DST: variants seen among roughly 807,000 people sequenced by gnomAD.
DST encodes the protein bullous pemphigoid antigen.
DST carries 253 observed loss-of-function variants against 875.2 expected under a neutral mutation model. That is an observed-to-expected ratio of 0.29 (90% CI 0.26 to 0.32). The LOEUF is 0.32. DST is among the 10% of genes least tolerant of loss of function. DST has a pLI of 1.00. For synonymous variants in DST, 3,124 were observed against 3,197.1 expected, an observed-to-expected ratio of 0.98 and a Z score of 0.77; for missense variants, 8,287 against 9,111.6, an observed-to-expected ratio of 0.91 and a Z score of 3.68.
At position 56,648,599 on chromosome 6, in the gene DST, T is replaced by A. The variant is rs781336931; in HGVS notation, c.1525A>T (p.Thr509Ser). ...RHHVTTMSERTFPNNPVELKA... is the reference protein window; with the variant it reads ...RHHVTTMSERSFPNNPVELKA... ...AGTTCTACAGGATTATTAGGAAATGTTCTCTCAGACATTGTGGTCACATGG... is the reference window on the plus strand; with the variant it reads ...AGTTCTACAGGATTATTAGGAAATGATCTCTCAGACATTGTGGTCACATGG... The change falls in exon 13 of 104, where the codon ACA becomes TCA. Residue 509 changes from threonine (T) to serine (S), a missense_variant. Physicochemically the swap from Thr to Ser is moderately conservative, Grantham distance 58 (BLOSUM62 1). This residue lies in a region of DST where 1,160 missense variants were observed against 1,424.3 expected (regional missense o/e 0.81). Transcript: ENST00000680361. The A allele has an allele frequency of 6.3e-7, 1 of 1,588,030 alleles. No homozygotes were observed. Among genetic ancestry groups the A allele is most frequent in the Admixed American group, 1.8e-5 (1 of 56,646 alleles).
intron 4 of DST, among the ~76,000 whole-genome samples, chr6:56,736,868 A>AT (rs1022158473): frequency 2.0e-5 from 3 of 152,208 alleles, no homozygotes; most frequent in African/African-American, 7.2e-5. Context: ...CAGTTAATCA[A>AT]TTTTTTAAAA....
At chr6:56,624,107 A>T (rs1335416990) in intron 36 of DST, among the ~76,000 whole-genome samples, 1 of 152,146 alleles carries the variant, frequency 6.6e-6, no homozygotes, top group Non-Finnish European at 1.5e-5. Flanking sequence ...TGAGATACAA[A>T]TTAATTTAAA....
chr6:56,638,844 C>A, intron 22 of DST: 1 of 228,716 alleles, frequency 4.4e-6, no homozygotes, highest in Non-Finnish European at 8.7e-6. Flanking sequence ...CTATACTAAG[C>A]AGTAAGAGTA....
At chr6:56,614,243 A>G (rs2098588850) in intron 37 of DST, 113 bp downstream of exon 37, 7 of 1,000,698 alleles carry the variant, frequency 7.0e-6, no homozygotes, top group East Asian at 5.3e-5. Context: ...ATATTGGGCT[A>G]TAACAATGGG....
chr6:56,790,923 A>G (rs1421380705), intron 4 of DST, among the ~76,000 whole-genome samples: 1 of 152,226 alleles, frequency 6.6e-6, no homozygotes, highest in African/African-American at 2.4e-5. Context: ...CAAGCTGTCC[A>G]ACAGAAATGC....
rs755343612 is a variant in DST at position 56,602,883 on chromosome 6, T to C, written c.11306A>G (p.Lys3769Arg). ...EYVKKRLEFLKNVLKDLGHTK... is the reference protein window; with the variant it reads ...EYVKKRLEFLRNVLKDLGHTK... Reference sequence around the variant, plus strand: ...TGTCATCTTTGTTTTGATACTTGCCTTGAGAAACTCCAAACGTTTCTTTAC... The same window carrying C: ...TGTCATCTTTGTTTTGATACTTGCCCTGAGAAACTCCAAACGTTTCTTTAC... Residue 3769 changes from lysine (K) to arginine (R), a missense_variant and splice_region_variant, in exon 43 of 104, where the codon AAG becomes AGG. Physicochemically the swap from Lys to Arg is conservative, Grantham distance 26 (BLOSUM62 2). Around this residue, in one of 10 missense-constraint regions of DST, gnomAD observed 3,138 missense variants for 3,116.6 expected, o/e 1.01. Coordinates refer to ENST00000680361, the MANE Select transcript of DST (RefSeq NM_001374736.1). 4 of 1,521,580 alleles carry C rather than the reference T, an allele frequency of 2.6e-6. No homozygotes were observed. In the South Asian group the frequency reaches 5.3e-5, roughly 20 times the overall value. 94.3% of individuals were successfully genotyped at this position (1,521,580 alleles called of 1,614,324 possible).
intron 2 of DST, among the ~76,000 whole-genome samples, chr6:56,920,726 C>T (rs1034462408): frequency 2.1e-5 from 3 of 140,894 alleles, no homozygotes; most frequent in Non-Finnish European, 4.6e-5. Context: ...TTTCTTTCTT[C>T]CTTTTTTTTT....
intron 9 of DST, chr6:56,692,733 T>A: frequency 7.8e-7 from 1 of 1,289,680 alleles, no homozygotes. Context: ...TTTCATCCAG[T>A]TCACTAACTT....
chr6:56,866,215 C>T (rs1026181633), intron 3 of DST, among the ~76,000 whole-genome samples: 1 of 152,120 alleles, frequency 6.6e-6, no homozygotes, highest in Admixed American at 6.5e-5. Flanking sequence ...CCAGGCTAGT[C>T]TCGAACACCT....
chr6:56,675,777 A>G (rs918720850), intron 9 of DST, among the ~76,000 whole-genome samples: 4 of 152,054 alleles, frequency 2.6e-5, no homozygotes, highest in African/African-American at 9.7e-5. Flanking sequence ...ACTTGAACCC[A>G]GGAGGCGGAG....
chr6:56,589,194 A>G (rs1301848935), intron 49 of DST, among the ~76,000 whole-genome samples: 1 of 152,214 alleles, frequency 6.6e-6, no homozygotes, highest in Admixed American at 6.5e-5. Context: ...AGAATATCCA[A>G]TACCAAAGAT....
intron 4 of DST, among the ~76,000 whole-genome samples, chr6:56,771,748 C>T (rs1275795570): frequency 6.6e-6 from 1 of 152,210 alleles, no homozygotes; most frequent in Non-Finnish European, 1.5e-5. Flanking sequence ...CAGTTTTTGG[C>T]TCATAGCTCT....
intron 4 of DST, among the ~76,000 whole-genome samples, chr6:56,841,608 A>G (rs926040376): frequency 1.3e-5 from 2 of 152,240 alleles, no homozygotes; most frequent in Non-Finnish European, 2.9e-5. Flanking sequence ...ACTTCATGTG[A>G]CAAAAATTCA....
chr6:56,679,826 T>G (rs2099148752), intron 9 of DST, among the ~76,000 whole-genome samples: 2 of 152,072 alleles, frequency 1.3e-5, no homozygotes, highest in Admixed American at 6.6e-5. Flanking sequence ...ACATCTACTT[T>G]TATGTTTTTA....
At chr6:56,492,586 T>C (rs1027677810) in intron 84 of DST, among the ~76,000 whole-genome samples, 153 bp from the exon 85 acceptor site, 2 of 152,214 alleles carry the variant, frequency 1.3e-5, no homozygotes, top group Non-Finnish European at 2.9e-5. Flanking sequence ...AAAGGCCTGC[T>C]GTCAGCCGGG....
At chr6:56,939,916 C>T (rs919227724) in intron 2 of DST, among the ~76,000 whole-genome samples, 1 of 151,846 alleles carries the variant, frequency 6.6e-6, no homozygotes, top group East Asian at 1.9e-4. Flanking sequence ...ATCCCACCTA[C>T]TCAGGAGGCT....
Position 56,607,336 on chromosome 6 carries a change from T to C in DST, c.7292A>G (p.Tyr2431Cys), listed in dbSNP as rs746961469. 20 of 1,613,234 alleles carry C rather than the reference T, an allele frequency of 1.2e-5. No individual in the cohort carries two copies. The East Asian group carries it at 3.6e-4, about 29-fold the overall frequency. The change falls in exon 40 of 104, where the codon TAT becomes TGT. Residue 2431 changes from tyrosine to cysteine, a missense_variant. By Grantham distance (194) the Tyr-to-Cys change is radical (BLOSUM62 -2). Transcript: ENST00000680361. ...TAACAAGGCACTTAGCCTGGGGGAA[T>C]AGTCAAAGATAGGTGAATCCCTGTT... ...NTNRDSPIFD[Y>C]SPRLSALLSH...
intron 10 of DST, among the ~76,000 whole-genome samples, chr6:56,652,755 A>G (rs563380484): frequency 1.9e-4 from 29 of 152,320 alleles, no homozygotes; most frequent in African/African-American, 5.1e-4. Context: ...CCAGGAAATT[A>G]TTAGGAAATC....
chr6:56,549,491 G>A (rs2152548922), intron 61 of DST, among the ~76,000 whole-genome samples: 1 of 152,164 alleles, frequency 6.6e-6, no homozygotes, highest in East Asian at 1.9e-4. Context: ...ATTAAATACT[G>A]AACTGTAAAC....
Sources: gnomAD v4.1 joint callset for allele counts (sites outside exome capture counted in the v4.1 genomes callset) on GRCh38, gnomAD v4.1.1 for gene constraint, gnomAD v4.1.1 regional missense constraint, MANE v1.5 for transcripts, NCBI Gene and HGNC (gene_info 2026-07-23, HGNC 2026-07-21) for gene names.